The following CCT6A variants were observed in gnomAD, a reference collection of about 807,000 sequenced individuals.
The protein encoded by CCT6A is T-complex protein 1 subunit zeta.
CCT6A carries 6 observed loss-of-function variants against 58.6 expected under a neutral mutation model. The ratio of observed to expected loss-of-function variants is 0.10; its 90% CI spans 0.06 to 0.20. The LOEUF (loss-of-function observed/expected upper bound fraction) is 0.20. Ranked by LOEUF, CCT6A falls within the 10% of genes least tolerant of loss-of-function variation. The pLI is 1.00. For synonymous variants in CCT6A, 245 were observed against 227.8 expected (o/e 1.08, Z -0.68); for missense variants, 516 against 648.8 (o/e 0.80, Z 2.22).
chr7:56,062,742 C>T lies in CCT6A; in HGVS notation c.1510C>T (p.Leu504Phe), dbSNP rs1181207223. Residue 504 changes from leucine (L) to phenylalanine (F), a missense_variant, in exon 13 of 14, where the codon CTT (leucine) becomes TTT (phenylalanine). Around this residue, in one of 3 missense-constraint regions of CCT6A, gnomAD observed 315 missense variants for 389.4 expected, o/e 0.81. Transcript: ENST00000275603. ...GGATAACTATTGTGTAAAGAAACAG[C>T]TTCTTCACTCCTGGTAAGTTTGGGA... The part of the protein sequence containing the change: ...VWDNYCVKKQ[L>F]LHSCTVIATN... The T allele has an allele frequency of 6.2e-7, 1 of 1,609,140 alleles. No individual in the cohort carries two copies. Among genetic ancestry groups the T allele is most frequent in the Admixed American group, 1.7e-5 (1 of 58,972 alleles).
Position 56,059,546 on chromosome 7 carries a change from T to A in CCT6A, c.971T>A (p.Leu324Gln). 6.3e-7 allele frequency: 1 copy of A among 1,583,036 alleles called. No homozygotes were observed. Among genetic ancestry groups the A allele is most frequent in the Non-Finnish European group, 8.7e-7 (1 of 1,151,674 alleles). ...TCTCCCTTAAAATGCTATTTCAGGC[T>A]GACTCTTGCTTGTGGTGGGGTAGCC... The part of the protein sequence containing the change: ...RRAKRRNMER[L>Q]TLACGGVALN... Residue 324 changes from leucine (L) to glutamine (Q), a missense_variant and splice_region_variant, in exon 9 of 14, where the codon CTG (leucine) becomes CAG (glutamine). This residue lies in a region of CCT6A where 315 missense variants were observed against 389.4 expected (regional missense o/e 0.81). Transcript: ENST00000275603.
At chr7:56,052,806 TTTA>T (rs1562847198) in intron 2 of CCT6A, among the ~76,000 whole-genome samples, 1 of 23,412 alleles carries the variant, frequency 4.3e-5, no homozygotes, top group African/African-American at 1.1e-4. Context: ...TTTTTTTTTT[TTTA>T]ATTAGACGAA....
chr7:56,053,765 AC>A (rs970491926), intron 2 of CCT6A, among the ~76,000 whole-genome samples: 6 of 152,178 alleles, frequency 3.9e-5, no homozygotes, highest in Non-Finnish European at 7.3e-5. Context: ...CCAAAACAAA[AC>A]AAAAAATTAT....
rs147515036 is a variant in CCT6A at position 56,059,599 on chromosome 7, G to A, written c.1024G>A (p.Asp342Asn). 6.9e-6 allele frequency: 11 copies of A among 1,603,552 alleles called. No individual in the cohort carries two copies. Among genetic ancestry groups the A allele is most frequent in the African/African-American group, 1.3e-5 (1 of 74,790 alleles). Reference protein sequence around the residue: ...ALNSFDDLSPDCLGHAGLVYE... With the variant: ...ALNSFDDLSPNCLGHAGLVYE... The stretch of plus-strand genomic sequence containing the variant: ...GAATTCTTTTGACGACCTAAGTCCT[G>A]ACTGCTTGGGACATGCAGGACTTGT... Residue 342 changes from aspartate (D) to asparagine (N), a missense_variant, in exon 9 of 14, where the codon GAC becomes AAC. Asp to Asn is a conservative substitution (Grantham distance 23, BLOSUM62 1). Around this residue, in one of 3 missense-constraint regions of CCT6A, gnomAD observed 315 missense variants for 389.4 expected, o/e 0.81. Coordinates refer to ENST00000275603, the MANE Select transcript of CCT6A (RefSeq NM_001762.4).
At chr7:56,061,668 CTTTTTTT>C (rs71015174) in intron 11 of CCT6A, 72 bp from the exon 12 acceptor site, 28,279 of 309,740 alleles carry the variant, frequency 0.091, 1,555 homozygotes, top group Admixed American at 0.17. Flanking sequence ...TTTCTTTTTT[CTTTTTTT>C]TTTTTTTTTT....
At position 56,056,822 on chromosome 7, in the gene CCT6A, T is replaced by A. The variant is rs1228282855; in HGVS notation, c.614+408T>A. ...GGCTTTTTTTTTTTTTGAGATGGAG[T>A]CTTGCTCTGTCGCCCAGCCTGGAGT... On this transcript the variant is annotated intron_variant, in intron 5 of 13. Coordinates refer to ENST00000275603, the MANE Select transcript of CCT6A (RefSeq NM_001762.4). Among the ~76,000 whole-genome samples, 37 of 146,050 alleles carry A rather than the reference T, an allele frequency of 2.5e-4. No homozygotes were observed. In the South Asian group the frequency reaches 4.5e-3, roughly 18 times the overall value.
Position 56,058,040 on chromosome 7 carries a change from T to C in CCT6A, c.662T>C (p.Met221Thr), listed in dbSNP as rs768640457. The C allele has an allele frequency of 1.2e-5, 20 of 1,613,314 alleles. No homozygotes were observed. The highest frequency in any genetic ancestry group is 4.0e-5 in the African/African-American group (3 of 74,906). The change falls in exon 6 of 14, where the codon ATG (methionine) becomes ACG (threonine). Residue 221 changes from methionine (M) to threonine (T), a missense_variant. Around this residue, in one of 3 missense-constraint regions of CCT6A, gnomAD observed 315 missense variants for 389.4 expected, o/e 0.81. Transcript: ENST00000275603. ...VLDHGARHPDMKKRVEDAYIL... is the reference protein window; with the variant it reads ...VLDHGARHPDTKKRVEDAYIL... ...GACCACGGAGCACGGCATCCTGATATGAAGAAAAGGGTGGAGGATGCATAC... is the reference window on the plus strand; with the variant it reads ...GACCACGGAGCACGGCATCCTGATACGAAGAAAAGGGTGGAGGATGCATAC...
Position 56,063,111 on chromosome 7 carries a change from C to G in CCT6A, c.*26C>G, listed in dbSNP as rs1220646192. 2.1e-6 allele frequency: 3 copies of G among 1,454,862 alleles called. No homozygotes were observed. Among genetic ancestry groups the G allele is most frequent in the Non-Finnish European group, 2.9e-6 (3 of 1,034,578 alleles). 90.1% of individuals were successfully genotyped at this position (1,454,862 alleles called of 1,614,324 possible). ...ATTGAAGCTTCCTCTGTATCTGAATCTTGAAGACTGCAAAGTGATCCTGAG... is the reference window on the plus strand; with the variant it reads ...ATTGAAGCTTCCTCTGTATCTGAATGTTGAAGACTGCAAAGTGATCCTGAG... On this transcript the variant is annotated 3_prime_UTR_variant, in exon 14 of 14. Transcript: ENST00000275603.
chr7:56,058,697 G>T lies in CCT6A; in HGVS notation c.963G>T (p.Met321Ile). 6.5e-7 allele frequency: 1 copy of T among 1,546,374 alleles called. No homozygotes were observed. Among genetic ancestry groups the T allele is most frequent in the Non-Finnish European group, 8.9e-7 (1 of 1,123,704 alleles). ...TGCGCAGAGCTAAAAGGAGAAATAT[G>T]GAGAGGTATCCGAGTAATTTGACTT... ...VALRRAKRRN[M>I]ERLTLACGGV... The change falls in exon 8 of 14, where the codon ATG (methionine) becomes ATT (isoleucine). Residue 321 changes from methionine (M) to isoleucine (I), a missense_variant. Physicochemically the swap from Met to Ile is conservative, Grantham distance 10. Coordinates refer to ENST00000275603, the MANE Select transcript of CCT6A (RefSeq NM_001762.4).
chr7:56,059,201 A>G (rs530204819), intron 8 of CCT6A, among the ~76,000 whole-genome samples: 2 of 152,048 alleles, frequency 1.3e-5, no homozygotes, highest in South Asian at 2.1e-4. Context: ...GGGTTTTGCC[A>G]TGTTAGCTAG....
At position 56,055,749 on chromosome 7, in the gene CCT6A, A is replaced by G. The variant is rs969718475; in HGVS notation, c.462A>G (p.Thr154=). ...AAACACTTATAGATGTGGCCAGAAC[A>G]TCTCTTCGTACTAAAGTTCATGCTG... ...DRETLIDVAR[T]SLRTKVHAEL... is the part of the protein sequence containing the mutation. Residue 154 remains threonine (T), a synonymous_variant, in exon 4 of 14, where the codon ACA becomes ACG. Transcript: ENST00000275603. 2 of 1,613,706 alleles carry G rather than the reference A, an allele frequency of 1.2e-6. No homozygotes were observed. Among genetic ancestry groups the G allele is most frequent in the Non-Finnish European group, 1.7e-6 (2 of 1,179,774 alleles).
At chr7:56,057,216 A>G (rs758034979) in intron 5 of CCT6A, among the ~76,000 whole-genome samples, 4 of 152,234 alleles carry the variant, frequency 2.6e-5, no homozygotes, top group Non-Finnish European at 5.9e-5. Context: ...GTTTATGGTT[A>G]GAATGATTCT....
At chr7:56,059,708 T>A in intron 9 of CCT6A, 68 bp downstream of exon 9, 1 of 811,996 alleles carries the variant, frequency 1.2e-6, no homozygotes, top group East Asian at 2.5e-5. Context: ...TTTGTTTGTT[T>A]GAGGTGGGGT....
intron 8 of CCT6A, 135 bp downstream of exon 8, chr7:56,058,837 G>A (rs1245787002): frequency 3.6e-6 from 2 of 559,422 alleles, no homozygotes; most frequent in African/African-American, 1.9e-5. Flanking sequence ...CACCCCGTCA[G>A]CACTGTCCAT....
chr7:56,055,134 C>T (rs574055164), intron 3 of CCT6A, among the ~76,000 whole-genome samples: 34 of 152,144 alleles, frequency 2.2e-4, no homozygotes, highest in South Asian at 1.0e-3. Flanking sequence ...ATTAGCCAGG[C>T]GTGGTGGTGC....
rs1349042745 is a variant in CCT6A at position 56,052,432 on chromosome 7, G to C, written c.148G>C (p.Gly50Arg). The C allele has an allele frequency of 6.2e-7, 1 of 1,613,946 alleles. No homozygotes were observed. Among genetic ancestry groups the C allele is most frequent in the East Asian group, 2.2e-5 (1 of 44,884 alleles). Residue 50 changes from glycine (G) to arginine (R), a missense_variant, in exon 2 of 14, where the codon GGC becomes CGC. Physicochemically the swap from Gly to Arg is moderately radical, Grantham distance 125. This residue lies in a region of CCT6A where 116 missense variants were observed against 184.5 expected (regional missense o/e 0.63). Coordinates refer to ENST00000275603, the MANE Select transcript of CCT6A (RefSeq NM_001762.4). Reference sequence around the variant, plus strand: ...CTGTCCTTTAAACAGGCTCGTTTCTGGCGCTGGAGACATCAAACTTACTAA... The same window carrying C: ...CTGTCCTTTAAACAGGCTCGTTTCTCGCGCTGGAGACATCAAACTTACTAA... ...PKGTMKMLVS[G>R]AGDIKLTKDG...
intron 3 of CCT6A, 84 bp from the exon 4 acceptor site, chr7:56,055,540 C>T (rs574216219): frequency 5.2e-6 from 6 of 1,149,752 alleles, no homozygotes; most frequent in East Asian, 2.3e-5. Flanking sequence ...ATCCAGAACA[C>T]TCCTTCAATA....
At chr7:56,062,430 A>AC (rs1473380109) in intron 12 of CCT6A, among the ~76,000 whole-genome samples, 2 of 152,242 alleles carry the variant, frequency 1.3e-5, no homozygotes, top group African/African-American at 4.8e-5. Context: ...GAAGTGCTAT[A>AC]CTTCAGTATG....
In CCT6A at chr7:56,063,083, T is replaced by C. The variant is rs1300448529; in HGVS notation, c.1594T>C (p.Ter532ArgextTer10). The change falls in exon 14 of 14, where the codon TGA becomes CGA. Residue 532 changes from the stop codon to arginine (R), a stop_lost. Coordinates refer to ENST00000275603, the MANE Select transcript of CCT6A (RefSeq NM_001762.4). ...AGCTGGAATGTCTTCTCTGAAAGGT[T>C]GAATTGAAGCTTCCTCTGTATCTGA... ...MRAGMSSLKG[*>R] The C allele has an allele frequency of 1.9e-6, 3 of 1,593,938 alleles. No individual in the cohort carries two copies. Among genetic ancestry groups the C allele is most frequent in the Non-Finnish European group, 2.6e-6 (3 of 1,161,508 alleles).
Sources: allele counts gnomAD v4.1 joint callset (sites outside exome capture counted in the v4.1 genomes callset), GRCh38; gene constraint gnomAD v4.1.1; regional missense constraint gnomAD v4.1.1; transcripts MANE v1.5; gene names NCBI Gene and HGNC (gene_info 2026-07-23, HGNC 2026-07-21).